The following RARB variants were observed in gnomAD, a reference collection of about 807,000 sequenced individuals.
RARB encodes retinoic acid receptor beta.
RARB carries 17 observed loss-of-function variants against 51.9 expected under a neutral mutation model. The ratio of observed to expected loss-of-function variants is 0.33; its 90% CI spans 0.22 to 0.49. RARB has a LOEUF of 0.49. Ranked by LOEUF, RARB falls within the 20% of genes least tolerant of loss-of-function variation. The pLI is 0.99. For synonymous variants in RARB, 215 were observed against 195.4 expected (o/e 1.10, Z -0.84); for missense variants, 369 against 550.8 (o/e 0.67, Z 3.30).
At chr3:25,252,137 C>G (rs1702738389) in intron 5 of RARB, among the ~76,000 whole-genome samples, 1 of 152,150 alleles carries the variant, frequency 6.6e-6, no homozygotes, top group Non-Finnish European at 1.5e-5. Context: ...ATTAAATTTT[C>G]TTGCCACCCT....
At chr3:25,329,566 C>G (rs1172983167) in intron 5 of RARB, among the ~76,000 whole-genome samples, 1 of 152,110 alleles carries the variant, frequency 6.6e-6, no homozygotes, top group African/African-American at 2.4e-5. Flanking sequence ...GAAACCAGAG[C>G]AGAAAAGCTG....
intron 3 of RARB, among the ~76,000 whole-genome samples, chr3:25,530,520 C>T (rs145172107): frequency 2.0e-4 from 31 of 152,296 alleles, no homozygotes; most frequent in African/African-American, 7.2e-4. Context: ...TCATTTCCAG[C>T]TCCTAGAAGC....
chr3:24,970,042 C>A (rs893071778), intron 2 of RARB, among the ~76,000 whole-genome samples: 1 of 151,984 alleles, frequency 6.6e-6, no homozygotes, highest in Non-Finnish European at 1.5e-5. Flanking sequence ...GCAGACAGTA[C>A]ATATTTTAGG....
At position 25,292,788 on chromosome 3, in the gene RARB, C is replaced by A. The variant is rs114749047; in HGVS notation, c.178+118213C>A. ...TGGTTTCAAAATGGGCATGTTTAAACGTGCCCTTGATTTTAGCTGCAGGCC... is the reference window on the plus strand; with the variant it reads ...TGGTTTCAAAATGGGCATGTTTAAAAGTGCCCTTGATTTTAGCTGCAGGCC... On this transcript the variant is annotated intron_variant, in intron 5 of 11. Transcript: ENST00000383772. Among the ~76,000 whole-genome samples the A allele has an allele frequency of 5.4e-3, 826 of 152,230 alleles. 11 individuals carry two copies. The highest frequency in any genetic ancestry group is 0.019 in the African/African-American group (797 of 41,548).
intron 1 of RARB, among the ~76,000 whole-genome samples, chr3:24,834,431 A>AT (rs1215616271): frequency 2.0e-5 from 3 of 152,194 alleles, no homozygotes; most frequent in East Asian, 1.9e-4. Flanking sequence ...TTGTATACAG[A>AT]TTTTTTTGAC....
chr3:25,414,836 A>C (rs1372978255), intron 5 of RARB, among the ~76,000 whole-genome samples: 3 of 152,080 alleles, frequency 2.0e-5, no homozygotes, highest in Non-Finnish European at 4.4e-5. Flanking sequence ...CCATTATCTG[A>C]TATATGCTTT....
At chr3:25,509,632 G>A (rs1055094615) in intron 3 of RARB, among the ~76,000 whole-genome samples, 1 of 152,160 alleles carries the variant, frequency 6.6e-6, no homozygotes, top group Non-Finnish European at 1.5e-5. Flanking sequence ...CAGAGATGCC[G>A]AGACATGTGT....
intron 5 of RARB, among the ~76,000 whole-genome samples, chr3:25,332,600 C>T (rs1202898686): frequency 6.6e-6 from 1 of 152,190 alleles, no homozygotes; most frequent in Admixed American, 6.5e-5. Context: ...GAAGCATTCC[C>T]TTTGAAAACT....
chr3:25,511,560 T>C (rs1697898553), intron 3 of RARB, among the ~76,000 whole-genome samples: 1 of 152,220 alleles, frequency 6.6e-6, no homozygotes, highest in South Asian at 2.1e-4. Context: ...CAGAAATCGT[T>C]AAGTGTGTAG....
chr3:25,030,629 T>A (rs1697851200), intron 2 of RARB, among the ~76,000 whole-genome samples: 1 of 152,234 alleles, frequency 6.6e-6, no homozygotes, highest in South Asian at 2.1e-4. Context: ...CAGCTTTTTG[T>A]AGAGCAGGAG....
At chr3:25,332,369 A>C (rs947033977) in intron 5 of RARB, among the ~76,000 whole-genome samples, 1 of 152,228 alleles carries the variant, frequency 6.6e-6, no homozygotes, top group African/African-American at 2.4e-5. Context: ...GGCTGGTTCA[A>C]CAAACACAAA....
intron 2 of RARB, among the ~76,000 whole-genome samples, chr3:25,486,607 C>G (rs1217541884): frequency 6.6e-6 from 1 of 152,178 alleles, no homozygotes; most frequent in Non-Finnish European, 1.5e-5. Context: ...TAAACTACAT[C>G]AGAACAATTC....
chr3:25,344,559 T>C lies in RARB; in HGVS notation c.179-116634T>C, dbSNP rs142166688. On this transcript the variant is annotated intron_variant, in intron 5 of 11. Transcript: ENST00000383772. Reference sequence around the variant, plus strand: ...CTCAGTTTGGTATTTGTTGACAAATTTTAAAGCACAAAAAGACAAACACAT... The same window carrying C: ...CTCAGTTTGGTATTTGTTGACAAATCTTAAAGCACAAAAAGACAAACACAT... 6.3e-3 allele frequency among the ~76,000 whole-genome samples: 957 copies of C among 152,296 alleles called. 7 individuals carry two copies. The highest frequency in any genetic ancestry group is 0.022 in the African/African-American group (900 of 41,562).
intron 5 of RARB, among the ~76,000 whole-genome samples, chr3:25,215,108 C>A (rs1321036219): frequency 6.6e-6 from 1 of 152,132 alleles, no homozygotes; most frequent in Non-Finnish European, 1.5e-5. Context: ...TGTTCTTAAT[C>A]CCAACTGTAC....
intron 4 of RARB, among the ~76,000 whole-genome samples, chr3:25,150,976 C>T (rs1416767361): frequency 1.3e-5 from 2 of 152,184 alleles, no homozygotes; most frequent in African/African-American, 4.8e-5. Flanking sequence ...TGAGGGGATG[C>T]TAATCTATAC....
At chr3:25,415,223 G>A (rs1262346806) in intron 5 of RARB, among the ~76,000 whole-genome samples, 1 of 151,648 alleles carries the variant, frequency 6.6e-6, no homozygotes, top group Admixed American at 6.6e-5. Flanking sequence ...TAATTATTTT[G>A]TTTTTTTTAT....
chr3:24,967,640 G>A (rs1182858335), intron 2 of RARB, among the ~76,000 whole-genome samples: 2 of 152,084 alleles, frequency 1.3e-5, no homozygotes, highest in East Asian at 1.9e-4. Context: ...CTGCAGTCGT[G>A]TAATTAAGAA....
intron 2 of RARB, among the ~76,000 whole-genome samples, chr3:24,935,327 C>A (rs1036813768): frequency 6.6e-6 from 1 of 152,074 alleles, no homozygotes; most frequent in African/African-American, 2.4e-5. Context: ...ATTTCCTTCC[C>A]TAGTATATGA....
At chr3:25,013,532 C>T (rs1697442756) in intron 2 of RARB, among the ~76,000 whole-genome samples, 1 of 152,094 alleles carries the variant, frequency 6.6e-6, no homozygotes, top group African/African-American at 2.4e-5. Context: ...ATGCTTGGTA[C>T]TGCTTCCTGG....
Sources: gnomAD v4.1 joint callset for allele counts (sites outside exome capture counted in the v4.1 genomes callset) on GRCh38, gnomAD v4.1.1 for gene constraint, MANE v1.5 for transcripts, NCBI Gene and HGNC (gene_info 2026-07-23, HGNC 2026-07-21) for gene names.